The following TAF8 variants were observed in gnomAD, a reference collection of about 807,000 sequenced individuals.
The protein encoded by TAF8 is transcription initiation factor TFIID subunit 8.
Under a neutral mutation model 36.5 loss-of-function variants are expected in TAF8, and 47 were observed. The observed-to-expected ratio is 1.29, with a 90% CI of 1.02 to 1.64. TAF8 has a LOEUF of 1.64. Among genes scored for constraint, TAF8 ranks in the 40% most tolerant of loss-of-function variants. The pLI is 0.00. For missense variants in TAF8, 420 were observed against 407.6 expected (o/e 1.03, Z -0.26); for synonymous variants, 175 against 159.5 (o/e 1.10, Z -0.73).
intron 4 of TAF8, chr6:42,056,250 C>A: frequency 4.8e-6 from 2 of 417,786 alleles, no homozygotes; most frequent in Non-Finnish European, 8.7e-6. Flanking sequence ...GTGTTCTAGC[C>A]CCAGAAGGGC....
At chr6:42,084,566 G>A (rs535480114), downstream of TAF8, among the ~76,000 whole-genome samples, 33 of 152,140 alleles carry the variant, frequency 2.2e-4, no homozygotes, top group Admixed American at 9.8e-4. Flanking sequence ...GGGTTCAAGC[G>A]ATTCTCCTGC....
chr6:42,053,542 G>A (rs1764872447), intron 2 of TAF8, among the ~76,000 whole-genome samples: 2 of 148,474 alleles, frequency 1.3e-5, no homozygotes, highest in Non-Finnish European at 1.5e-5. Context: ...TCCAGCCTGG[G>A]CAACAAGAGC....
chr6:42,083,844 T>C (rs975841175), downstream of TAF8, among the ~76,000 whole-genome samples: 19 of 151,940 alleles, frequency 1.3e-4, no homozygotes, highest in Non-Finnish European at 1.8e-4. Context: ...ACAGAGGACA[T>C]AGGATACAAG....
downstream of TAF8, chr6:42,087,124 C>A: frequency 3.5e-6 from 1 of 289,626 alleles, no homozygotes; most frequent in Admixed American, 4.5e-5. Context: ...GGGGTCTGGT[C>A]AGGGAGTGTG....
At chr6:42,066,562 T>C in intron 6 of TAF8, 103 bp downstream of exon 6, 3 of 1,365,868 alleles carry the variant, frequency 2.2e-6, no homozygotes, top group Non-Finnish European at 1.0e-6. Flanking sequence ...CTTTTGTCCT[T>C]CCCTTGGGTA....
At chr6:42,055,911 C>A in intron 3 of TAF8, 41 bp from the exon 4 acceptor site, 1 of 1,299,910 alleles carries the variant, frequency 7.7e-7, no homozygotes, top group Non-Finnish European at 1.1e-6. Flanking sequence ...TATTCAATAT[C>A]CAGTGGTCTG....
chr6:42,086,615 G>A (rs1020336175), downstream of TAF8: 12 of 1,125,666 alleles, frequency 1.1e-5, no homozygotes, highest in Non-Finnish European at 1.4e-5. Context: ...CCTGATCTGC[G>A]GCACCCCCTC....
In TAF8 at chr6:42,081,929, G is replaced by A. The variant is rs1306009260; in HGVS notation, c.*4384G>A. 1 of 152,224 alleles carries A rather than the reference G, an allele frequency of 6.6e-6. No individual in the cohort carries two copies. Among genetic ancestry groups the A allele is most frequent in the Admixed American group, 6.5e-5 (1 of 15,274 alleles). The allele number at this position is 152,224 out of a possible 1,614,324, so 9.4% of individuals were successfully genotyped here. A position where few individuals can be genotyped will look rare whatever the true frequency, so the allele number is the denominator to read the frequency against. On this transcript the variant is annotated 3_prime_UTR_variant, in exon 9 of 9. Transcript: ENST00000372977. Reference sequence around the variant, plus strand: ...TGGAATAATTATAGATTCACAAGATGTTGCAAAAAATGTTGAGAGAGATCC... The same window carrying A: ...TGGAATAATTATAGATTCACAAGATATTGCAAAAAATGTTGAGAGAGATCC...
At position 42,077,755 on chromosome 6, in the gene TAF8, G is replaced by T. The variant is rs1765803917; in HGVS notation, c.*210G>T. ...GAGGAAGATATGAACAGAATAATGA[G>T]AATTTTTTTTTTTATTTTGAGATGG... is the stretch of plus-strand genomic sequence containing the variant. On this transcript the variant is annotated 3_prime_UTR_variant, in exon 9 of 9. Coordinates refer to ENST00000372977, the MANE Select transcript of TAF8 (RefSeq NM_138572.3). 1.4e-6 allele frequency: 2 copies of T among 1,416,076 alleles called. No individual in the cohort carries two copies. Among genetic ancestry groups the T allele is most frequent in the East Asian group, 5.3e-5 (2 of 38,028 alleles). 87.7% of individuals were successfully genotyped at this position (1,416,076 alleles called of 1,614,324 possible). A position where few individuals can be genotyped will look rare whatever the true frequency, so the allele number is the denominator to read the frequency against.
At chr6:42,050,640 T>G (rs1764734847) in intron 1 of TAF8, 54 bp downstream of exon 1, 1 of 1,514,982 alleles carries the variant, frequency 6.6e-7, no homozygotes. Context: ...ATCCTGCAAC[T>G]TTCCCCTCGA....
At chr6:42,070,157 C>T (rs962724133) in intron 7 of TAF8, among the ~76,000 whole-genome samples, 1 of 151,996 alleles carries the variant, frequency 6.6e-6, no homozygotes, top group Non-Finnish European at 1.5e-5. Flanking sequence ...TTATAGCAGC[C>T]ACTAGCCACG....
intron 5 of TAF8, among the ~76,000 whole-genome samples, chr6:42,062,598 G>A (rs1290158417): frequency 5.8e-5 from 8 of 138,538 alleles, no homozygotes; most frequent in African/African-American, 2.2e-4. Context: ...GCAGTGGTGC[G>A]ATCTCAGCTC....
chr6:42,073,220 C>T (rs1224128356), intron 7 of TAF8, among the ~76,000 whole-genome samples: 2 of 152,186 alleles, frequency 1.3e-5, no homozygotes, highest in Admixed American at 1.3e-4. Context: ...GAACCAGCTG[C>T]TCTCTGCAGC....
downstream of TAF8, chr6:42,086,986 C>A: frequency 1.7e-6 from 1 of 590,604 alleles, no homozygotes; most frequent in South Asian, 2.0e-5. Flanking sequence ...AAGTGCAGGG[C>A]GAGTTCTGCC....
chr6:42,053,260 G>A (rs919270785), intron 2 of TAF8, among the ~76,000 whole-genome samples: 5 of 151,922 alleles, frequency 3.3e-5, no homozygotes, highest in Admixed American at 1.3e-4. Flanking sequence ...TATTTGCCAC[G>A]TTAGAAAAAA....
chr6:42,057,536 T>C (rs1448710168), intron 5 of TAF8, 23 bp downstream of exon 5: 2 of 1,613,746 alleles, frequency 1.2e-6, no homozygotes, highest in South Asian at 1.1e-5. Context: ...GCACTGGGAC[T>C]GCGCGTGGTG....
At chr6:42,072,949 T>A (rs901875800) in intron 7 of TAF8, among the ~76,000 whole-genome samples, 6 of 151,774 alleles carry the variant, frequency 4.0e-5, no homozygotes, top group Non-Finnish European at 8.8e-5. Flanking sequence ...GGTCTCGATC[T>A]CCCGACCTCG....
At chr6:42,065,276 G>A (rs187160585) in intron 5 of TAF8, among the ~76,000 whole-genome samples, 13 of 152,014 alleles carry the variant, frequency 8.6e-5, no homozygotes, top group Non-Finnish European at 1.6e-4. Flanking sequence ...AACCCAGGAG[G>A]TGGAGGTTGC....
rs1350740014 is a variant in TAF8 at position 42,077,590 on chromosome 6, TC to T, written c.*48del. 25 of 1,607,784 alleles carry T rather than the reference TC, an allele frequency of 1.6e-5. No homozygotes were observed. The highest frequency in any genetic ancestry group is 1.9e-5 in the Non-Finnish European group (22 of 1,177,144). ...TTGTACAGGGGCGCAGATTCCACCC[TC>T]CCGGGGAGTTAAAGCCACTCAAGGG... On this transcript the variant is annotated 3_prime_UTR_variant, in exon 9 of 9. Transcript: ENST00000372977.
Sources: allele counts gnomAD v4.1 joint callset (sites outside exome capture counted in the v4.1 genomes callset), GRCh38; gene constraint gnomAD v4.1.1; transcripts MANE v1.5; gene names NCBI Gene and HGNC (gene_info 2026-07-23, HGNC 2026-07-21).